PTPRR: variants seen among roughly 807,000 people sequenced by gnomAD.
PTPRR encodes the protein receptor-type tyrosine-protein phosphatase R.
In PTPRR, 38 loss-of-function variants were observed where a neutral mutation model predicts 77.2. The ratio of observed to expected loss-of-function variants is 0.49; its 90% confidence interval spans 0.38 to 0.65. The LOEUF (loss-of-function observed/expected upper bound fraction) is 0.65. Among genes scored for constraint, PTPRR ranks in the 30% least tolerant of loss-of-function variants. The probability of loss-of-function intolerance (pLI) is 0.00; values close to 1 mark genes in which losing one functional copy is unlikely to be tolerated. For missense variants in PTPRR, 744 were observed against 799.2 expected (o/e 0.93, Z 0.83); for synonymous variants, 299 against 283.1 (o/e 1.06, Z -0.57).
intron 2 of PTPRR, among the ~76,000 whole-genome samples, chr12:70,866,746 C>G (rs1892857920): frequency 6.6e-6 from 1 of 152,246 alleles, no homozygotes; most frequent in South Asian, 2.1e-4. Context: ...GAATTTTAGA[C>G]CAATATCCTT....
At chr12:70,862,951 T>A (rs1028392981) in intron 2 of PTPRR, among the ~76,000 whole-genome samples, 3 of 152,118 alleles carry the variant, frequency 2.0e-5, no homozygotes, top group Non-Finnish European at 4.4e-5. Flanking sequence ...AAGTTTACCA[T>A]AGCAATTGAC....
intron 7 of PTPRR, among the ~76,000 whole-genome samples, chr12:70,700,698 T>C (rs1417383637): frequency 6.6e-6 from 1 of 152,158 alleles, no homozygotes; most frequent in Non-Finnish European, 1.5e-5. Context: ...CCACTGCAAA[T>C]AGAATGATCT....
intron 2 of PTPRR, among the ~76,000 whole-genome samples, chr12:70,768,764 A>T (rs991806337): frequency 2.0e-5 from 3 of 152,120 alleles, no homozygotes; most frequent in Non-Finnish European, 2.9e-5. Context: ...TCCTCAATAA[A>T]ATACGGGCAA....
chr12:70,892,753 T>G lies in PTPRR; in HGVS notation c.283A>C (p.Asn95His). ...TCTTGACCATCCATGGCCAGCAGAT[T>G]GAGAGACGGGTCATATGCGGGTCTA... ...FPRPAYDPSL[N>H]LLAMDGQDLE... is the part of the protein sequence containing the mutation. Residue 95 changes from asparagine (N) to histidine (H), a missense_variant, in exon 2 of 14, where the codon AAT (asparagine) becomes CAT (histidine). This residue lies in a region of PTPRR where 570 missense variants were observed against 573.2 expected (regional missense o/e 0.99). Transcript: ENST00000283228. The G allele has an allele frequency of 3.1e-6, 5 of 1,613,534 alleles. No homozygotes were observed. Among genetic ancestry groups the G allele is most frequent in the Non-Finnish European group, 3.4e-6 (4 of 1,179,556 alleles).
intron 2 of PTPRR, chr12:70,788,951 A>C: frequency 7.3e-7 from 1 of 1,366,090 alleles, no homozygotes; most frequent in Non-Finnish European, 9.6e-7. Context: ...AGCCTCATTT[A>C]GTCACCTGGA....
At chr12:70,740,369 T>C (rs1443623396) in intron 6 of PTPRR, among the ~76,000 whole-genome samples, 1 of 61,372 alleles carries the variant, frequency 1.6e-5, no homozygotes, top group African/African-American at 4.5e-5. Flanking sequence ...TTGCTATGTT[T>C]CTCTTTTTTT....
chr12:70,754,809 CAT>C (rs1032819554), intron 4 of PTPRR: 20 of 1,333,394 alleles, frequency 1.5e-5, no homozygotes, highest in African/African-American at 3.0e-5. Flanking sequence ...CTTTTAATCA[CAT>C]CTTTTTTTTT....
Position 70,638,356 on chromosome 12 carries a change from C to T in PTPRR, c.*828G>A, listed in dbSNP as rs1186720027. 1 of 152,370 alleles carries T rather than the reference C, an allele frequency of 6.6e-6. No individual in the cohort carries two copies. The highest frequency in any genetic ancestry group is 2.4e-5 in the African/African-American group (1 of 41,438). 9.4% of individuals were successfully genotyped at this position (152,370 alleles called of 1,614,324 possible). On this transcript the variant is annotated 3_prime_UTR_variant, in exon 14 of 14. Transcript: ENST00000283228. Reference sequence around the variant, plus strand: ...AGCATATTCAAAAATCCCTTCTTAGCAAAAGAGAGACAAGTAGTTAAAACT... The same window carrying T: ...AGCATATTCAAAAATCCCTTCTTAGTAAAAGAGAGACAAGTAGTTAAAACT...
At chr12:70,769,239 G>A (rs879718396) in intron 2 of PTPRR, among the ~76,000 whole-genome samples, 274 of 148,850 alleles carry the variant, frequency 1.8e-3, no homozygotes, top group Admixed American at 5.0e-3. Flanking sequence ...TGCAGACGAC[G>A]TGATTGTATA....
intron 2 of PTPRR, among the ~76,000 whole-genome samples, chr12:70,836,971 G>C (rs1304344994): frequency 6.6e-6 from 1 of 151,834 alleles, no homozygotes; most frequent in Non-Finnish European, 1.5e-5. Flanking sequence ...TAAACTATAA[G>C]TTCTCTAAAG....
chr12:70,739,815 G>A (rs1015098719), intron 6 of PTPRR, among the ~76,000 whole-genome samples: 2 of 152,134 alleles, frequency 1.3e-5, no homozygotes, highest in Admixed American at 6.5e-5. Flanking sequence ...ACTAGAGATC[G>A]GTAGGCTGAG....
intron 2 of PTPRR, among the ~76,000 whole-genome samples, chr12:70,770,780 T>C (rs1465538313): frequency 1.3e-5 from 2 of 151,894 alleles, no homozygotes; most frequent in African/African-American, 2.4e-5. Flanking sequence ...ATAGACTGGA[T>C]TAAGAAAATG....
intron 6 of PTPRR, among the ~76,000 whole-genome samples, chr12:70,701,853 G>A (rs1888438646): frequency 6.6e-6 from 1 of 152,032 alleles, no homozygotes; most frequent in Non-Finnish European, 1.5e-5. Flanking sequence ...CACACTTGTA[G>A]TCTCAGCTAC....
intron 11 of PTPRR, 59 bp from the exon 12 acceptor site, chr12:70,661,156 A>G (rs1592645513): frequency 7.1e-6 from 11 of 1,558,054 alleles, no homozygotes; most frequent in Non-Finnish European, 9.6e-6. Flanking sequence ...AAGTCATCCA[A>G]ACCACAATAC....
At chr12:70,684,876 T>C in intron 8 of PTPRR, 93 bp from the exon 9 acceptor site, 7 of 793,516 alleles carry the variant, frequency 8.8e-6, no homozygotes, top group South Asian at 5.5e-5. Context: ...AAACCTGTTA[T>C]GTATTGATTA....
chr12:70,647,540 A>G (rs995621384), intron 13 of PTPRR, among the ~76,000 whole-genome samples: 1 of 152,284 alleles, frequency 6.6e-6, no homozygotes, highest in African/African-American at 2.4e-5. Context: ...GAACCTTGAC[A>G]TACCCAAGCC....
intron 10 of PTPRR, chr12:70,672,853 G>A (rs767101438): frequency 6.4e-7 from 1 of 1,559,496 alleles, no homozygotes; most frequent in South Asian, 1.1e-5. Flanking sequence ...CATCAGCAAG[G>A]TGGTGTGATG....
chr12:70,682,206 G>A (rs1021723469), intron 10 of PTPRR, among the ~76,000 whole-genome samples: 2 of 151,208 alleles, frequency 1.3e-5, no homozygotes, highest in African/African-American at 4.8e-5. Flanking sequence ...ACCACGCCCG[G>A]CTAATTTTTT....
chr12:70,908,511 C>T (rs984107725), intron 1 of PTPRR, among the ~76,000 whole-genome samples: 2 of 152,164 alleles, frequency 1.3e-5, no homozygotes, highest in African/African-American at 4.8e-5. Context: ...CCTTATAAAA[C>T]CATCAGATCT....
Sources: gnomAD v4.1 joint callset for allele counts (sites outside exome capture counted in the v4.1 genomes callset) on GRCh38, gnomAD v4.1.1 for gene constraint, gnomAD v4.1.1 regional missense constraint, MANE v1.5 for transcripts, NCBI Gene and HGNC (gene_info 2026-07-23, HGNC 2026-07-21) for gene names.